The following SAMSN1 variants were observed in gnomAD, a reference collection of about 807,000 sequenced individuals.
SAMSN1 encodes the protein SAM domain-containing protein SAMSN-1.
SAMSN1 carries 31 observed loss-of-function variants against 42.0 expected under a neutral mutation model. The observed-to-expected ratio is 0.74, with a 90% CI of 0.55 to 1.00. The LOEUF is 1.00. Ranked by LOEUF, SAMSN1 falls within the 50% of genes least tolerant of loss-of-function variation. SAMSN1 has a pLI of 0.00. For missense variants in SAMSN1, 464 were observed against 439.4 expected (o/e 1.06, Z -0.50); for synonymous variants, 178 against 151.9 (o/e 1.17, Z -1.26).
At chr21:14,518,773 T>C (rs1988030757) in intron 2 of SAMSN1, among the ~76,000 whole-genome samples, 1 of 152,178 alleles carries the variant, frequency 6.6e-6, no homozygotes, top group African/African-American at 2.4e-5. Flanking sequence ...ACATTCAAGG[T>C]TGAAATCAAG....
At chr21:14,569,156 G>T (rs560970568) in intron 2 of SAMSN1, among the ~76,000 whole-genome samples, 1 of 151,936 alleles carries the variant, frequency 6.6e-6, no homozygotes, top group African/African-American at 2.4e-5. Context: ...ATAGCTAGGC[G>T]TGTTGTTGCA....
intron 4 of SAMSN1, among the ~76,000 whole-genome samples, chr21:14,610,958 C>T (rs1982690134): frequency 6.6e-6 from 1 of 152,206 alleles, no homozygotes; most frequent in Admixed American, 6.5e-5. Context: ...CAGCGTCTTA[C>T]TCTGTTGCCC....
intron 7 of SAMSN1, among the ~76,000 whole-genome samples, chr21:14,492,305 CA>C (rs1986726385): frequency 6.6e-6 from 1 of 152,200 alleles, no homozygotes; most frequent in African/African-American, 2.4e-5. Context: ...ATCTTGACAA[CA>C]TACTCGAATA....
chr21:14,601,905 A>T (rs1459948277), intron 6 of SAMSN1: 1 of 403,464 alleles, frequency 2.5e-6, no homozygotes, highest in Non-Finnish European at 4.6e-6. Flanking sequence ...ACCTATAATA[A>T]CTAAATAGAA....
At chr21:14,507,054 A>C (rs1987444896) in intron 5 of SAMSN1, among the ~76,000 whole-genome samples, 1 of 152,236 alleles carries the variant, frequency 6.6e-6, no homozygotes, top group Non-Finnish European at 1.5e-5. Flanking sequence ...ATATAATAAA[A>C]GCCATCTATG....
intron 4 of SAMSN1, chr21:14,612,756 A>G: frequency 1.5e-6 from 1 of 659,382 alleles, no homozygotes; most frequent in Non-Finnish European, 2.8e-6. Flanking sequence ...ATATAATTCA[A>G]AGACAACTCA....
chr21:14,526,601 C>A (rs1007376937), intron 1 of SAMSN1, among the ~76,000 whole-genome samples: 1 of 152,174 alleles, frequency 6.6e-6, no homozygotes, highest in Non-Finnish European at 1.5e-5. Flanking sequence ...TAGTTATCGT[C>A]TAGCTCTTCT....
chr21:14,526,410 T>C (rs1978861399), intron 1 of SAMSN1, among the ~76,000 whole-genome samples: 1 of 152,206 alleles, frequency 6.6e-6, no homozygotes, highest in South Asian at 2.1e-4. Flanking sequence ...CCAAAAATAG[T>C]ACAGAACCAG....
intron 2 of SAMSN1, among the ~76,000 whole-genome samples, chr21:14,520,880 T>G (rs888587020): frequency 6.6e-6 from 1 of 151,938 alleles, no homozygotes; most frequent in African/African-American, 2.4e-5. Flanking sequence ...AGTTCCTCTT[T>G]TTTTTTTTCC....
chr21:14,582,217 T>C lies in SAMSN1; in HGVS notation c.180A>G (p.Gly60=), dbSNP rs1026081799. 1.9e-6 allele frequency: 3 copies of C among 1,550,806 alleles called. No individual in the cohort carries two copies. The Admixed American group carries it at 5.9e-5, about 30-fold the overall frequency. ...TACAAGAGGAGCAGTGGTCCCAGGG[T>C]CCAACTTGTGCTATTTGGAAATCAA... is the stretch of plus-strand genomic sequence containing the variant. Residue 60 remains glycine, a synonymous_variant, in exon 2 of 9, where the codon GGA becomes GGG. Coordinates refer to the SAMSN1 transcript ENST00000285670.
chr21:14,497,211 T>C (rs968857148), intron 7 of SAMSN1, among the ~76,000 whole-genome samples: 1 of 152,148 alleles, frequency 6.6e-6, no homozygotes, highest in African/African-American at 2.4e-5. Flanking sequence ...AGAACTGGGG[T>C]AAGTACTCAA....
chr21:14,631,518 C>G (rs1324098808), intron 2 of SAMSN1, among the ~76,000 whole-genome samples: 1 of 152,138 alleles, frequency 6.6e-6, no homozygotes, highest in Admixed American at 6.5e-5. Flanking sequence ...CAGGTGCCCA[C>G]CACCACACCC....
At chr21:14,552,974 C>A (rs1248826388) in intron 2 of SAMSN1, among the ~76,000 whole-genome samples, 1 of 152,014 alleles carries the variant, frequency 6.6e-6, no homozygotes, top group African/African-American at 2.4e-5. Flanking sequence ...TTAGAAAACA[C>A]AAGCACCCTC....
At chr21:14,506,241 A>C (rs1987394775) in intron 5 of SAMSN1, among the ~76,000 whole-genome samples, 1 of 152,228 alleles carries the variant, frequency 6.6e-6, no homozygotes, top group Admixed American at 6.5e-5. Context: ...GAATTAAATA[A>C]AATTGAAACA....
intron 1 of SAMSN1, among the ~76,000 whole-genome samples, chr21:14,648,366 C>T (rs1600983755): frequency 6.6e-6 from 1 of 152,264 alleles, no homozygotes; most frequent in East Asian, 1.9e-4. Context: ...TGGGCAAGGA[C>T]TTCATGTCTA....
intron 5 of SAMSN1, among the ~76,000 whole-genome samples, chr21:14,507,788 A>T (rs1987480373): frequency 6.6e-6 from 1 of 152,188 alleles, no homozygotes; most frequent in African/African-American, 2.4e-5. Context: ...CACATTACCT[A>T]ATTTCAAACT....
At chr21:14,582,098 C>G (rs755748735) in intron 2 of SAMSN1, 3 of 1,488,510 alleles carry the variant, frequency 2.0e-6, no homozygotes, top group Non-Finnish European at 2.7e-6. Flanking sequence ...TACAAAACCC[C>G]AGATAAGATG....
chr21:14,600,267 T>C (rs1982395056), intron 6 of SAMSN1, among the ~76,000 whole-genome samples: 1 of 152,228 alleles, frequency 6.6e-6, no homozygotes, highest in Non-Finnish European at 1.5e-5. Context: ...ATAGTTTGCA[T>C]CTCCTTCTCC....
intron 5 of SAMSN1, among the ~76,000 whole-genome samples, chr21:14,605,236 C>T (rs1982535668): frequency 6.6e-6 from 1 of 152,196 alleles, no homozygotes; most frequent in Non-Finnish European, 1.5e-5. Flanking sequence ...ACTGAAGGAT[C>T]CTAAGATTCA....
Sources: allele counts gnomAD v4.1 joint callset (sites outside exome capture counted in the v4.1 genomes callset), GRCh38; gene constraint gnomAD v4.1.1; transcripts MANE v1.5; gene names NCBI Gene and HGNC (gene_info 2026-07-23, HGNC 2026-07-21).